Variants in RNF10 observed in about 807,000 individuals in gnomAD.
RNF10 encodes E3 ubiquitin-protein ligase RNF10.
A neutral mutation model predicts 91.4 loss-of-function variants in RNF10; 38 were observed. The ratio of observed to expected loss-of-function variants is 0.42; its 90% CI spans 0.32 to 0.54. The LOEUF (loss-of-function observed/expected upper bound fraction) is 0.54, where lower values mean the gene tolerates loss of function less well. Among genes scored for constraint, RNF10 ranks in the 20% least tolerant of loss-of-function variants. The pLI is 0.16. For missense variants in RNF10, 945 were observed against 1,012.0 expected (o/e 0.93, Z 0.90); for synonymous variants, 364 against 366.3 (o/e 0.99, Z 0.07).
intron 3 of RNF10, 141 bp downstream of exon 3, chr12:120,552,839 G>C: frequency 1.4e-6 from 1 of 714,030 alleles, no homozygotes. Context: ...GTTCACCACT[G>C]CCCCGCCCTT....
chr12:120,543,077 G>T lies in RNF10; in HGVS notation c.158-3328G>T, dbSNP rs573973292. ...GTGAAGTGGTTGCTTTCAAAATTTGGTCTCTGATTTATTAACTTACATTTT... is the reference window on the plus strand; with the variant it reads ...GTGAAGTGGTTGCTTTCAAAATTTGTTCTCTGATTTATTAACTTACATTTT... On this transcript the variant is annotated intron_variant, in intron 1 of 16. Coordinates refer to ENST00000325954, the MANE Select transcript of RNF10 (RefSeq NM_014868.5). Among the ~76,000 whole-genome samples, 189 of 152,194 alleles carry T rather than the reference G, an allele frequency of 1.2e-3. 1 individual carries two copies. The highest frequency in any genetic ancestry group is 1.7e-3 in the Non-Finnish European group (119 of 68,020).
At chr12:120,575,330 C>T (rs960172473) in intron 14 of RNF10, 6 of 315,298 alleles carry the variant, frequency 1.9e-5, no homozygotes, top group Middle Eastern at 9.9e-4. Flanking sequence ...ACCAGAAAGT[C>T]GGAATTCCCA....
At chr12:120,544,491 T>C (rs1307741897) in intron 1 of RNF10, among the ~76,000 whole-genome samples, 2 of 152,056 alleles carry the variant, frequency 1.3e-5, no homozygotes, top group Non-Finnish European at 2.9e-5. Flanking sequence ...ACCTCGTCTC[T>C]ACAAAAAACA....
In RNF10 at chr12:120,575,647, A is replaced by C; in HGVS notation, c.2159A>C (p.Lys720Thr). 1 of 1,614,234 alleles carries C rather than the reference A, an allele frequency of 6.2e-7. No homozygotes were observed. The highest frequency in any genetic ancestry group is 8.5e-7 in the Non-Finnish European group (1 of 1,180,048). Residue 720 changes from lysine (K) to threonine (T), a missense_variant, in exon 15 of 17, where the codon AAA becomes ACA. Lys to Thr is a moderately conservative substitution (Grantham distance 78). Transcript: ENST00000325954. ...PSFAQMLRVG[K>T]AKADVWPKTA... ...CTTTGGCAGATGCTGAGGGTTGGAA[A>C]AGCAAAAGCAGATGTGTGGCCCAAA...
At chr12:120,536,662 C>G (rs535406931) in intron 1 of RNF10, among the ~76,000 whole-genome samples, 1 of 152,210 alleles carries the variant, frequency 6.6e-6, no homozygotes, top group South Asian at 2.1e-4. Flanking sequence ...TAGAAGGTAA[C>G]CAGTCCTTTT....
intron 3 of RNF10, chr12:120,554,430 G>A (rs1349661512): frequency 1.8e-5 from 6 of 328,162 alleles, no homozygotes; most frequent in Non-Finnish European, 2.9e-5. Flanking sequence ...GCTGTTTGAT[G>A]GAGTCACGGT....
In RNF10 at chr12:120,565,504, AGAG is replaced by A. The variant is rs753296585; in HGVS notation, c.1864_1866del (p.Glu622del). ...GCCGCCGAGAGCGCAGGATTGAGAT[AGAG>A]GAGAACAAGAAACAGGGCAAGTGTA... is the stretch of plus-strand genomic sequence containing the variant. On this transcript the variant is annotated inframe_deletion, in exon 12 of 17. Coordinates refer to ENST00000325954, the MANE Select transcript of RNF10 (RefSeq NM_014868.5). The A allele has an allele frequency of 6.2e-7, 1 of 1,614,042 alleles. No homozygotes were observed. The highest frequency in any genetic ancestry group is 8.5e-7 in the Non-Finnish European group (1 of 1,180,008).
chr12:120,554,355 C>G, intron 3 of RNF10: 1 of 216,990 alleles, frequency 4.6e-6, no homozygotes, highest in South Asian at 6.1e-5. Context: ...ACAGTCTTTT[C>G]AACTGCCTTG....
chr12:120,545,964 T>C (rs1468041541), intron 1 of RNF10, among the ~76,000 whole-genome samples: 3 of 152,236 alleles, frequency 2.0e-5, no homozygotes, highest in Admixed American at 1.3e-4. Context: ...TGCTAAGGCC[T>C]AGGACAACCC....
rs1278337284 is a variant in RNF10 at position 120,534,601 on chromosome 12, T to C, written c.-211T>C. On this transcript the variant is annotated 5_prime_UTR_variant, in exon 1 of 17. Transcript: ENST00000325954. ...GGACTCCCGAGCCCCGGCCTCCTCG[T>C]CCTCGGTCGCCGCTGCCGCCGGGCT... 4.2e-6 allele frequency: 5 copies of C among 1,196,738 alleles called. No individual in the cohort carries two copies. In the African/African-American group the frequency reaches 6.5e-5, roughly 15 times the overall value. 74.1% of individuals were successfully genotyped at this position (1,196,738 alleles called of 1,614,324 possible).
intron 1 of RNF10, among the ~76,000 whole-genome samples, chr12:120,544,674 A>G (rs1565946843): frequency 6.6e-6 from 1 of 152,196 alleles, no homozygotes; most frequent in Admixed American, 6.6e-5. Context: ...TAAAGTGCAT[A>G]AGTAATTATT....
Position 120,563,488 on chromosome 12 carries a change from G to A in RNF10, c.1396G>A (p.Ala466Thr), listed in dbSNP as rs763780862. The A allele has an allele frequency of 8.7e-6, 14 of 1,614,022 alleles. No individual in the cohort carries two copies. In the South Asian group the frequency reaches 1.3e-4, roughly 15 times the overall value. ...SEPEPEGLPE[A>T]CDDLELADDN... ...ACCAGAGCCTGAGGGGTTGCCAGAG[G>A]CCTGTGATGACTTGGAGTTAGCAGA... The change falls in exon 9 of 17, where the codon GCC becomes ACC. Residue 466 changes from alanine to threonine, a missense_variant. By Grantham distance (58) the Ala-to-Thr change is moderately conservative. Transcript: ENST00000325954.
intron 2 of RNF10, among the ~76,000 whole-genome samples, chr12:120,547,646 A>C (rs1427554922): frequency 2.6e-5 from 4 of 152,110 alleles, no homozygotes; most frequent in African/African-American, 9.7e-5. Context: ...TAGCACATGC[A>C]AGGGACGGGA....
chr12:120,559,979 A>C (rs1291390901), intron 6 of RNF10, among the ~76,000 whole-genome samples: 1 of 151,706 alleles, frequency 6.6e-6, no homozygotes, highest in Non-Finnish European at 1.5e-5. Flanking sequence ...GTGAGCCACC[A>C]CACCCAGCTG....
At position 120,576,757 on chromosome 12, in the gene RNF10, A is replaced by G. The variant is rs960044208; in HGVS notation, c.*91A>G. On this transcript the variant is annotated 3_prime_UTR_variant, in exon 17 of 17. Coordinates refer to ENST00000325954, the MANE Select transcript of RNF10 (RefSeq NM_014868.5). ...TGTTTGGCTGCTGTAATTTTTAAGT[A>G]TTTGAGTTTGAACAGATTAGCTCTG... is the stretch of plus-strand genomic sequence containing the variant. 3.1e-5 allele frequency: 49 copies of G among 1,557,526 alleles called. No individual in the cohort carries two copies. The highest frequency in any genetic ancestry group is 4.2e-5 in the Non-Finnish European group (48 of 1,151,278).
intron 2 of RNF10, 112 bp downstream of exon 2, chr12:120,546,713 TAATC>T (rs1438862199): frequency 5.3e-6 from 5 of 935,938 alleles, no homozygotes; most frequent in Non-Finnish European, 7.8e-6. Context: ...GAGGAATAGA[TAATC>T]AAAGCAGTCT....
At chr12:120,550,120 TATTAA>T (rs1460623469) in intron 2 of RNF10, among the ~76,000 whole-genome samples, 2 of 152,210 alleles carry the variant, frequency 1.3e-5, no homozygotes, top group African/African-American at 4.8e-5. Flanking sequence ...ATGTTTAATA[TATTAA>T]ATTCAATATA....
chr12:120,556,584 G>C (rs978099835), intron 4 of RNF10, among the ~76,000 whole-genome samples: 1 of 126,682 alleles, frequency 7.9e-6, no homozygotes, highest in South Asian at 3.0e-4. Context: ...CTGTGAAAAT[G>C]TATAAAATCA....
At chr12:120,535,020 G>C in intron 1 of RNF10, 52 bp downstream of exon 1, 1 of 1,518,058 alleles carries the variant, frequency 6.6e-7, no homozygotes, top group South Asian at 1.2e-5. Context: ...TGCTGCTGGG[G>C]AGAGTCGTTG....
Sources: gnomAD v4.1 joint callset for allele counts (sites outside exome capture counted in the v4.1 genomes callset) on GRCh38, gnomAD v4.1.1 for gene constraint, MANE v1.5 for transcripts, NCBI Gene and HGNC (gene_info 2026-07-23, HGNC 2026-07-21) for gene names.